Variants in KPNA1 observed in about 807,000 individuals in gnomAD.
The protein encoded by KPNA1 is karyopherin subunit alpha 1.
Under a neutral mutation model 70.5 loss-of-function variants are expected in KPNA1, and 10 were observed. The ratio of observed to expected loss-of-function variants is 0.14; its 90% CI spans 0.09 to 0.24. The LOEUF (loss-of-function observed/expected upper bound fraction) is 0.24, where lower values mean the gene tolerates loss of function less well. KPNA1 is among the 10% of genes least tolerant of loss of function. KPNA1 has a pLI of 1.00. For missense variants in KPNA1, 397 were observed against 637.9 expected (o/e 0.62, Z 4.07); for synonymous variants, 192 against 221.9 (o/e 0.87, Z 1.20).
intron 9 of KPNA1, 127 bp downstream of exon 9, chr3:122,449,444 TAAC>T: frequency 1.4e-6 from 1 of 731,728 alleles, no homozygotes; most frequent in Non-Finnish European, 2.2e-6. Context: ...AATAAACAAG[TAAC>T]AAAAACAGTA....
intron 1 of KPNA1, among the ~76,000 whole-genome samples, chr3:122,500,426 C>T (rs1350840138): frequency 6.6e-6 from 1 of 152,044 alleles, no homozygotes; most frequent in East Asian, 1.9e-4. Context: ...CCAGCCACAA[C>T]TGTTAACAGT....
intron 9 of KPNA1, among the ~76,000 whole-genome samples, chr3:122,444,135 G>A (rs997032659): frequency 2.0e-5 from 3 of 151,816 alleles, no homozygotes; most frequent in South Asian, 2.1e-4. Context: ...AGAACTGAGC[G>A]CTATTTCTCC....
At chr3:122,505,677 T>C (rs140024245) in intron 1 of KPNA1, among the ~76,000 whole-genome samples, 1 of 152,272 alleles carries the variant, frequency 6.6e-6, no homozygotes, top group East Asian at 1.9e-4. Context: ...CAAGATGCAA[T>C]ACTGGTGGTG....
intron 9 of KPNA1, chr3:122,443,201 C>A (rs1455050726): frequency 6.6e-6 from 1 of 152,396 alleles, no homozygotes; most frequent in Non-Finnish European, 1.5e-5. Flanking sequence ...TTGCTCACTG[C>A]TAGCGCAGCA....
intron 2 of KPNA1, among the ~76,000 whole-genome samples, chr3:122,471,501 A>G (rs2076441899): frequency 6.6e-6 from 1 of 152,260 alleles, no homozygotes. Flanking sequence ...ACACAGATTA[A>G]AAGTAAATAG....
chr3:122,491,617 T>A (rs1483456188), intron 2 of KPNA1, among the ~76,000 whole-genome samples: 1 of 152,062 alleles, frequency 6.6e-6, no homozygotes, highest in Non-Finnish European at 1.5e-5. Context: ...TATAATGCAG[T>A]AAAAGGTTGG....
chr3:122,430,534 G>GTGTGTT (rs1400783912), intron 12 of KPNA1, among the ~76,000 whole-genome samples: 1 of 141,360 alleles, frequency 7.1e-6, no homozygotes. Flanking sequence ...GTGTGTGTGT[G>GTGTGTT]TGTGTGTGTG....
rs764925959 is a variant in KPNA1, at chr3:122,433,652, G to A, written c.1250+9C>T. On this transcript the variant is annotated intron_variant, in intron 12 of 13. Coordinates refer to ENST00000344337, the MANE Select transcript of KPNA1 (RefSeq NM_002264.4). Reference sequence around the variant, plus strand: ...TTAACTTACAATATGCTGCCTGATTGGTACTTACTTGATCTGTTCAGCTGA... The same window carrying A: ...TTAACTTACAATATGCTGCCTGATTAGTACTTACTTGATCTGTTCAGCTGA... 6.3e-7 allele frequency: 1 copy of A among 1,581,546 alleles called. No individual in the cohort carries two copies. Among genetic ancestry groups the A allele is most frequent in the Non-Finnish European group, 8.6e-7 (1 of 1,169,028 alleles).
At chr3:122,503,042 G>A (rs1272612606) in intron 1 of KPNA1, among the ~76,000 whole-genome samples, 3 of 151,974 alleles carry the variant, frequency 2.0e-5, no homozygotes, top group Non-Finnish European at 2.9e-5. Flanking sequence ...AGGCTGCAGT[G>A]AGCCAAGATC....
At chr3:122,438,396 T>G (rs1175354038) in intron 10 of KPNA1, among the ~76,000 whole-genome samples, 1 of 147,510 alleles carries the variant, frequency 6.8e-6, no homozygotes, top group Non-Finnish European at 1.5e-5. Context: ...TTTTGTTTTT[T>G]TTTTTTTGAG....
chr3:122,444,596 C>A (rs1038018664), intron 9 of KPNA1, among the ~76,000 whole-genome samples: 2 of 152,212 alleles, frequency 1.3e-5, no homozygotes, highest in African/African-American at 4.8e-5. Context: ...GGGTCCCTGA[C>A]TTCCTGCCTA....
At chr3:122,466,627 T>C (rs1454828885) in intron 3 of KPNA1, among the ~76,000 whole-genome samples, 1 of 152,094 alleles carries the variant, frequency 6.6e-6, no homozygotes, top group Non-Finnish European at 1.5e-5. Flanking sequence ...AACAGAAAAA[T>C]CCAAGAGTTC....
At chr3:122,445,541 A>G (rs1576292168) in intron 9 of KPNA1, among the ~76,000 whole-genome samples, 1 of 152,238 alleles carries the variant, frequency 6.6e-6, no homozygotes, top group South Asian at 2.1e-4. Flanking sequence ...GGAAAGGAAC[A>G]ACCGGTACCA....
At chr3:122,481,432 T>C (rs2076569471) in intron 2 of KPNA1, among the ~76,000 whole-genome samples, 1 of 152,212 alleles carries the variant, frequency 6.6e-6, no homozygotes, top group Admixed American at 6.5e-5. Flanking sequence ...AGACCACATA[T>C]ACTGTATGAT....
At chr3:122,459,291 T>C (rs554997979) in intron 5 of KPNA1, 1 of 308,304 alleles carries the variant, frequency 3.2e-6, no homozygotes, top group Non-Finnish European at 4.7e-6. Context: ...TGAAAGGTTA[T>C]ATACCATCTA....
chr3:122,486,126 T>C (rs1328266139), intron 2 of KPNA1, among the ~76,000 whole-genome samples: 1 of 152,192 alleles, frequency 6.6e-6, no homozygotes, highest in African/African-American at 2.4e-5. Flanking sequence ...TCTAGACACT[T>C]ACCTGAGGGA....
At chr3:122,444,922 T>C (rs2076116190) in intron 9 of KPNA1, among the ~76,000 whole-genome samples, 1 of 152,120 alleles carries the variant, frequency 6.6e-6, no homozygotes, top group Non-Finnish European at 1.5e-5. Context: ...AGACCAAAGG[T>C]AGATAAAACC....
chr3:122,502,812 A>C (rs2076843955), intron 1 of KPNA1, among the ~76,000 whole-genome samples: 2 of 152,206 alleles, frequency 1.3e-5, no homozygotes, highest in Non-Finnish European at 2.9e-5. Flanking sequence ...TAGTGTTGCA[A>C]TGATGTCCCA....
intron 2 of KPNA1, among the ~76,000 whole-genome samples, chr3:122,490,288 C>T (rs1223894404): frequency 1.3e-5 from 2 of 152,248 alleles, no homozygotes; most frequent in Admixed American, 6.5e-5. Flanking sequence ...TGCCTTAGCG[C>T]CTCTTTCTAT....
Sources: gnomAD v4.1 joint callset for allele counts (sites outside exome capture counted in the v4.1 genomes callset) on GRCh38, gnomAD v4.1.1 for gene constraint, MANE v1.5 for transcripts, NCBI Gene and HGNC (gene_info 2026-07-23, HGNC 2026-07-21) for gene names.